Variants in GRM7 observed in about 807,000 individuals in gnomAD.
The protein encoded by GRM7 is glutamate metabotropic receptor 7.
Under a neutral mutation model 84.5 loss-of-function variants are expected in GRM7, and 35 were observed. The ratio of observed to expected loss-of-function variants is 0.41; its 90% CI spans 0.32 to 0.55. The LOEUF (loss-of-function observed/expected upper bound fraction) is 0.55. GRM7 is among the 20% of genes least tolerant of loss of function. GRM7 has a pLI of 0.19. For missense variants in GRM7, 1,003 were observed against 1,194.6 expected (o/e 0.84, Z 2.36); for synonymous variants, 487 against 455.1 (o/e 1.07, Z -0.89).
intron 9 of GRM7, among the ~76,000 whole-genome samples, chr3:7,720,268 T>C (rs1383293792): frequency 1.3e-5 from 2 of 152,092 alleles, no homozygotes; most frequent in Non-Finnish European, 2.9e-5. Flanking sequence ...GGCAATACCA[T>C]CTCCTTTTTT....
chr3:7,557,119 A>C (rs1693802726), intron 7 of GRM7, among the ~76,000 whole-genome samples: 1 of 152,188 alleles, frequency 6.6e-6, no homozygotes, highest in Admixed American at 6.6e-5. Context: ...CTGGAGGATG[A>C]AATCTAGTGG....
chr3:7,464,108 C>T (rs1446864840), intron 7 of GRM7, among the ~76,000 whole-genome samples: 1 of 152,154 alleles, frequency 6.6e-6, no homozygotes, highest in Non-Finnish European at 1.5e-5. Context: ...CTCAGATAAC[C>T]TGATTCAGAA....
chr3:7,235,219 T>C (rs1697312490), intron 2 of GRM7, among the ~76,000 whole-genome samples: 1 of 152,324 alleles, frequency 6.6e-6, no homozygotes, highest in South Asian at 2.1e-4. Flanking sequence ...TATTTCCATG[T>C]GGATGTCCTG....
intron 4 of GRM7, among the ~76,000 whole-genome samples, chr3:7,402,551 C>T (rs1001223177): frequency 2.6e-5 from 4 of 151,972 alleles, no homozygotes; most frequent in Non-Finnish European, 5.9e-5. Context: ...TCTTAATATG[C>T]CAGAAAGACA....
chr3:7,339,621 T>G (rs1044205210), intron 4 of GRM7, among the ~76,000 whole-genome samples: 2 of 152,128 alleles, frequency 1.3e-5, no homozygotes, highest in African/African-American at 4.8e-5. Context: ...GCTAGGAAGA[T>G]CAGCATTCCT....
chr3:7,604,591 GT>G (rs1304740813), intron 8 of GRM7, among the ~76,000 whole-genome samples: 10 of 152,226 alleles, frequency 6.6e-5, no homozygotes, highest in Admixed American at 3.3e-4. Context: ...TCTTGCAAAG[GT>G]TTCCTAAAAG....
chr3:7,199,759 A>G lies in GRM7; in HGVS notation c.736+53091A>G, dbSNP rs533895276. ...TGAGGAACCCTGACATAGAGCCATG[A>G]TTTATAACTTAGGTGGTACCCAATA... is the stretch of plus-strand genomic sequence containing the variant. On this transcript the variant is annotated intron_variant, in intron 2 of 9. Transcript: ENST00000357716. Among the ~76,000 whole-genome samples the G allele has an allele frequency of 2.0e-4, 31 of 152,278 alleles. No homozygotes were observed. The South Asian group carries it at 5.0e-3, about 24-fold the overall frequency.
chr3:7,187,212 C>A (rs935108547), intron 2 of GRM7, among the ~76,000 whole-genome samples: 1 of 151,966 alleles, frequency 6.6e-6, no homozygotes. Context: ...CACACACACA[C>A]ACACACACAC....
At chr3:7,478,949 T>G (rs1699029695) in intron 7 of GRM7, among the ~76,000 whole-genome samples, 1 of 152,140 alleles carries the variant, frequency 6.6e-6, no homozygotes. Context: ...TTTATAGTAC[T>G]CAAGAGTATA....
rs767393510 is a variant in GRM7 at position 7,298,819 on chromosome 3, A to T, written c.872A>T (p.Asp291Val). ...RAVVIFANDE[D>V]IKQILAAAKR... ...GTCGTGATTTTTGCCAACGATGAGGATATAAAGTAAGAATAACTGGTGACA... is the reference window on the plus strand; with the variant it reads ...GTCGTGATTTTTGCCAACGATGAGGTTATAAAGTAAGAATAACTGGTGACA... Residue 291 changes from aspartate to valine, a missense_variant, in exon 3 of 10, where the codon GAT becomes GTT. This residue lies in a region of GRM7 where 910 missense variants were observed against 1,126.0 expected (regional missense o/e 0.81). Transcript: ENST00000357716. 1 of 1,613,382 alleles carries T rather than the reference A, an allele frequency of 6.2e-7. No individual in the cohort carries two copies. Among genetic ancestry groups the T allele is most frequent in the East Asian group, 2.2e-5 (1 of 44,840 alleles).
chr3:6,925,883 C>A (rs565997194), intron 1 of GRM7, among the ~76,000 whole-genome samples: 1 of 152,106 alleles, frequency 6.6e-6, no homozygotes, highest in African/African-American at 2.4e-5. Context: ...GTCTTCTCTT[C>A]GGGTCAAATA....
chr3:6,975,923 A>G (rs1048706124), intron 1 of GRM7, among the ~76,000 whole-genome samples: 1 of 152,224 alleles, frequency 6.6e-6, no homozygotes, highest in African/African-American at 2.4e-5. Flanking sequence ...CATATTATGA[A>G]CATGTGATCA....
chr3:7,152,554 C>G (rs2125071169), intron 2 of GRM7, among the ~76,000 whole-genome samples: 1 of 152,300 alleles, frequency 6.6e-6, no homozygotes, highest in African/African-American at 2.4e-5. Flanking sequence ...CCCACTTATT[C>G]AACCTTCTGT....
intron 2 of GRM7, among the ~76,000 whole-genome samples, chr3:7,178,943 A>G (rs978636564): frequency 2.5e-5 from 2 of 80,880 alleles, no homozygotes; most frequent in African/African-American, 1.4e-4. Flanking sequence ...ACAAAAAAAT[A>G]CAAAAAAAAA....
intron 7 of GRM7, among the ~76,000 whole-genome samples, chr3:7,547,080 C>G (rs944639230): frequency 6.6e-6 from 1 of 151,836 alleles, no homozygotes; most frequent in African/African-American, 2.4e-5. Flanking sequence ...GACGGGAGGG[C>G]TCCATGAAAA....
chr3:7,348,265 TA>T (rs1692979361), intron 4 of GRM7, among the ~76,000 whole-genome samples: 1 of 152,144 alleles, frequency 6.6e-6, no homozygotes, highest in Non-Finnish European at 1.5e-5. Flanking sequence ...CATTATTTGC[TA>T]ATACCATTTT....
At chr3:6,995,561 T>C (rs1467024392) in intron 1 of GRM7, among the ~76,000 whole-genome samples, 1 of 152,218 alleles carries the variant, frequency 6.6e-6, no homozygotes, top group African/African-American at 2.4e-5. Flanking sequence ...AATTTTGTAC[T>C]TTGCTATGAA....
chr3:7,129,345 C>A (rs1175933577), intron 1 of GRM7, among the ~76,000 whole-genome samples: 1 of 152,230 alleles, frequency 6.6e-6, no homozygotes, highest in Non-Finnish European at 1.5e-5. Context: ...TAAAGCTGCA[C>A]ATGATCAACA....
At chr3:7,708,414 G>T (rs1417995166) in intron 9 of GRM7, among the ~76,000 whole-genome samples, 1 of 152,084 alleles carries the variant, frequency 6.6e-6, no homozygotes, top group East Asian at 1.9e-4. Context: ...AGTGCTGTAG[G>T]CACAAGAAGA....
Sources: allele counts gnomAD v4.1 joint callset (sites outside exome capture counted in the v4.1 genomes callset), GRCh38; gene constraint gnomAD v4.1.1; regional missense constraint gnomAD v4.1.1; transcripts MANE v1.5; gene names NCBI Gene and HGNC (gene_info 2026-07-23, HGNC 2026-07-21).